The following GPC5 variants were observed in gnomAD, a reference collection of about 807,000 sequenced individuals.
GPC5 encodes glypican-5.
GPC5 carries 47 observed loss-of-function variants against 53.9 expected under a neutral mutation model. The observed-to-expected ratio is 0.87, with a 90% CI of 0.69 to 1.11. The LOEUF is 1.11. Among genes scored for constraint, GPC5 ranks in the 50% most tolerant of loss-of-function variants. The probability of loss-of-function intolerance (pLI) is 0.00; values close to 1 mark genes in which losing one functional copy is unlikely to be tolerated. For synonymous variants in GPC5, 286 were observed against 263.3 expected, an observed-to-expected ratio of 1.09 and a Z score of -0.84; for missense variants, 748 against 713.1, an observed-to-expected ratio of 1.05 and a Z score of -0.56.
chr13:92,392,819 T>C (rs1163955333), intron 7 of GPC5, among the ~76,000 whole-genome samples: 1 of 152,094 alleles, frequency 6.6e-6, no homozygotes, highest in Non-Finnish European at 1.5e-5. Flanking sequence ...CACTGATCAT[T>C]GGAGAAATGC....
At chr13:92,038,932 G>A (rs749886996) in intron 6 of GPC5, among the ~76,000 whole-genome samples, 15 of 152,178 alleles carry the variant, frequency 9.9e-5, no homozygotes, top group Non-Finnish European at 2.1e-4. Context: ...AAAACCATGT[G>A]TGTGTGTTTT....
chr13:92,380,156 C>T lies in GPC5; in HGVS notation c.1561+235167C>T, dbSNP rs113899184. Among the ~76,000 whole-genome samples, 591 of 152,298 alleles carry T rather than the reference C, an allele frequency of 3.9e-3. 4 individuals are homozygous for T. Among genetic ancestry groups the T allele is most frequent in the African/African-American group, 0.014 (562 of 41,568 alleles). On this transcript the variant is annotated intron_variant, in intron 7 of 7. Coordinates refer to ENST00000377067, the MANE Select transcript of GPC5 (RefSeq NM_004466.6). ...GGTAGAGTACAAAGAATTAGCAAGG[C>T]TACTGCATAAGCAGACTTCCAATAG...
intron 2 of GPC5, among the ~76,000 whole-genome samples, chr13:91,498,800 T>C (rs1043381517): frequency 1.3e-5 from 2 of 151,696 alleles, no homozygotes; most frequent in African/African-American, 4.8e-5. Flanking sequence ...TGAAACCCCG[T>C]CTCTACAAAA....
At chr13:92,330,433 A>G (rs1039182811) in intron 7 of GPC5, among the ~76,000 whole-genome samples, 3 of 152,132 alleles carry the variant, frequency 2.0e-5, no homozygotes, top group Admixed American at 2.0e-4. Context: ...CCATCTAACA[A>G]GCAATTTCCA....
intron 4 of GPC5, among the ~76,000 whole-genome samples, chr13:91,746,351 A>G (rs1338671990): frequency 6.6e-6 from 1 of 152,174 alleles, no homozygotes; most frequent in African/African-American, 2.4e-5. Context: ...AAAAAAAATC[A>G]ATATATGTCA....
At chr13:92,480,348 T>TA (rs1879302107) in intron 7 of GPC5, among the ~76,000 whole-genome samples, 2 of 152,154 alleles carry the variant, frequency 1.3e-5, no homozygotes, top group Non-Finnish European at 2.9e-5. Context: ...GGAAAAAAAG[T>TA]AAAAAGCTTA....
At chr13:92,054,009 G>A (rs1220966156) in intron 6 of GPC5, among the ~76,000 whole-genome samples, 2 of 149,454 alleles carry the variant, frequency 1.3e-5, no homozygotes, top group Non-Finnish European at 3.0e-5. Flanking sequence ...TCCAGCCTGG[G>A]CAAGAAGAGT....
intron 7 of GPC5, among the ~76,000 whole-genome samples, chr13:92,695,425 G>C (rs1179069736): frequency 2.6e-5 from 4 of 152,082 alleles, no homozygotes; most frequent in Non-Finnish European, 5.9e-5. Flanking sequence ...TGATGGCATT[G>C]TGTTTATTTG....
At chr13:92,168,067 A>G (rs903315541) in intron 7 of GPC5, among the ~76,000 whole-genome samples, 2 of 152,086 alleles carry the variant, frequency 1.3e-5, no homozygotes, top group Admixed American at 1.3e-4. Context: ...CTCAACGTTG[A>G]CTATCTTTTC....
intron 7 of GPC5, among the ~76,000 whole-genome samples, chr13:92,202,629 G>A (rs2042303494): frequency 6.6e-6 from 1 of 152,110 alleles, no homozygotes; most frequent in African/African-American, 2.4e-5. Flanking sequence ...AGAGGCCACA[G>A]GCAGTTTTAG....
At position 91,770,704 on chromosome 13, in the gene GPC5, T is replaced by TGTGTGTGTGTGTG. The variant is rs2037607543; in HGVS notation, c.1280+14284_1280+14285insGTGTGTGTGTGTG. The stretch of plus-strand genomic sequence containing the variant: ...TTCAAAGACTGGGGAGACTGTGTGT[T>TGTGTGTGTGTGTG]TGTGTGTGTGTGTGTGTGTGTGTGT... On this transcript the variant is annotated intron_variant, in intron 5 of 7. Transcript: ENST00000377067. 4.1e-5 allele frequency among the ~76,000 whole-genome samples: 6 copies of TGTGTGTGTGTGTG among 145,662 alleles called. No homozygotes were observed. The East Asian group carries it at 8.4e-4, about 20-fold the overall frequency.
chr13:92,256,116 T>A (rs2042724288), intron 7 of GPC5, among the ~76,000 whole-genome samples: 1 of 151,756 alleles, frequency 6.6e-6, no homozygotes. Context: ...AAGGCTTTAT[T>A]TGTAAAACTT....
chr13:92,031,733 A>G (rs1300306376), intron 6 of GPC5, among the ~76,000 whole-genome samples: 1 of 67,460 alleles, frequency 1.5e-5, no homozygotes, highest in East Asian at 3.8e-4. Flanking sequence ...AATATATTAC[A>G]TATTATATAT....
intron 7 of GPC5, among the ~76,000 whole-genome samples, chr13:92,478,846 T>A (rs572160380): frequency 6.6e-6 from 1 of 152,320 alleles, no homozygotes; most frequent in East Asian, 1.9e-4. Flanking sequence ...CTCTTGCTTC[T>A]TAGTATTTAA....
chr13:92,380,853 A>G (rs1022629000), intron 7 of GPC5, among the ~76,000 whole-genome samples: 16 of 151,954 alleles, frequency 1.1e-4, no homozygotes, highest in Admixed American at 2.6e-4. Context: ...GCACATGTAT[A>G]CATATGTAAC....
chr13:92,618,824 CCCTATAAAGTATTAATCT>C, intron 7 of GPC5, among the ~76,000 whole-genome samples: 1 of 151,870 alleles, frequency 6.6e-6, no homozygotes, highest in Non-Finnish European at 1.5e-5. Context: ...ATGTGTATGT[CCCTATAAAGTATTAATCT>C]CTTATCACAT....
At chr13:91,744,896 A>G (rs949960883) in intron 4 of GPC5, among the ~76,000 whole-genome samples, 1 of 152,132 alleles carries the variant, frequency 6.6e-6, no homozygotes, top group African/African-American at 2.4e-5. Context: ...AAAATGGAAA[A>G]TTAGTACCAT....
chr13:92,368,741 T>C (rs2043626775), intron 7 of GPC5, among the ~76,000 whole-genome samples: 1 of 151,904 alleles, frequency 6.6e-6, no homozygotes, highest in South Asian at 2.1e-4. Flanking sequence ...TTTTGAATAG[T>C]ACATGTGCAA....
At chr13:91,853,929 ACTTTT>A in intron 5 of GPC5, among the ~76,000 whole-genome samples, 1 of 151,926 alleles carries the variant, frequency 6.6e-6, no homozygotes, top group Non-Finnish European at 1.5e-5. Context: ...TCAGCCATGA[ACTTTT>A]ATTGATTTGT....
Sources: allele counts gnomAD v4.1 joint callset (sites outside exome capture counted in the v4.1 genomes callset), GRCh38; gene constraint gnomAD v4.1.1; transcripts MANE v1.5; gene names NCBI Gene and HGNC (gene_info 2026-07-23, HGNC 2026-07-21).